Variants in ELFN1 observed in about 807,000 individuals in gnomAD.
ELFN1 encodes the protein protein ELFN1.
ELFN1 carries 6 observed loss-of-function variants against 7.6 expected under a neutral mutation model. That is an observed-to-expected ratio of 0.79 (90% CI 0.43 to 1.56). The LOEUF (loss-of-function observed/expected upper bound fraction) is 1.56. Among genes scored for constraint, ELFN1 ranks in the 40% most tolerant of loss-of-function variants. The pLI, the probability that ELFN1 is intolerant of heterozygous loss-of-function variation, is 0.01. For missense variants in ELFN1, 1,169 were observed against 1,232.2 expected (o/e 0.95, Z 0.77); for synonymous variants, 657 against 588.1 (o/e 1.12, Z -1.70).
At chr7:1,721,319 G>A (rs1018674263) in intron 3 of ELFN1, among the ~76,000 whole-genome samples, 28 of 152,228 alleles carry the variant, frequency 1.8e-4, no homozygotes, top group Non-Finnish European at 1.3e-4. Context: ...GTGTAACTCA[G>A]GGAAAATCCC....
chr7:1,723,451 C>T (rs905045424), intron 3 of ELFN1, among the ~76,000 whole-genome samples: 4 of 152,096 alleles, frequency 2.6e-5, no homozygotes, highest in South Asian at 2.1e-4. Context: ...GGCTGGGAGG[C>T]GTATTTGTGA....
intron 3 of ELFN1, among the ~76,000 whole-genome samples, chr7:1,729,485 A>T (rs1409125396): frequency 6.6e-6 from 1 of 152,180 alleles, no homozygotes; most frequent in African/African-American, 2.4e-5. Context: ...CAGGCCTCAC[A>T]GCAGGGTGCT....
intron 2 of ELFN1, among the ~76,000 whole-genome samples, chr7:1,688,602 A>G (rs528546790): frequency 1.3e-5 from 2 of 152,348 alleles, no homozygotes; most frequent in East Asian, 1.9e-4. Context: ...ATTTTCAATG[A>G]CATTATTTTA....
chr7:1,682,866 T>C (rs779135877), intron 1 of ELFN1, among the ~76,000 whole-genome samples: 1 of 152,210 alleles, frequency 6.6e-6, no homozygotes, highest in African/African-American at 2.4e-5. Context: ...TTTATCAGGT[T>C]GAGAAGTTCT....
At chr7:1,721,090 T>G (rs938977083) in intron 3 of ELFN1, among the ~76,000 whole-genome samples, 1 of 152,226 alleles carries the variant, frequency 6.6e-6, no homozygotes, top group Non-Finnish European at 1.5e-5. Context: ...AATTAAACAT[T>G]GGATAAAACC....
chr7:1,693,588 A>G (rs1779226078), intron 2 of ELFN1: 1 of 471,200 alleles, frequency 2.1e-6, no homozygotes, highest in Non-Finnish European at 4.4e-6. Flanking sequence ...ACATCTGCAG[A>G]GGGGTCGGTG....
intron 2 of ELFN1, among the ~76,000 whole-genome samples, chr7:1,702,315 T>C (rs1447438996): frequency 6.6e-6 from 1 of 151,990 alleles, no homozygotes; most frequent in Non-Finnish European, 1.5e-5. Flanking sequence ...TCCCAGCTAC[T>C]TGGGAGGCTG....
chr7:1,728,122 T>A (rs910750914), intron 3 of ELFN1, among the ~76,000 whole-genome samples: 1 of 151,980 alleles, frequency 6.6e-6, no homozygotes, highest in Non-Finnish European at 1.5e-5. Flanking sequence ...TCTTTTTGCC[T>A]CTCCTGCTCC....
At chr7:1,681,813 C>T (rs1335393872) in intron 1 of ELFN1, among the ~76,000 whole-genome samples, 1 of 152,188 alleles carries the variant, frequency 6.6e-6, no homozygotes, top group Non-Finnish European at 1.5e-5. Context: ...AATGGTGTCC[C>T]ATGTGGTTTA....
At chr7:1,722,813 A>G (rs1169355188) in intron 3 of ELFN1, among the ~76,000 whole-genome samples, 2 of 152,238 alleles carry the variant, frequency 1.3e-5, no homozygotes, top group South Asian at 2.1e-4. Flanking sequence ...GAGTAATACA[A>G]TGAATACCTA....
intron 1 of ELFN1, among the ~76,000 whole-genome samples, chr7:1,677,512 A>C (rs1778894009): frequency 6.6e-6 from 1 of 152,172 alleles, no homozygotes; most frequent in African/African-American, 2.4e-5. Context: ...AGGACTGTGC[A>C]GGGGTGTGTG....
At chr7:1,724,705 C>T (rs1322079861) in intron 3 of ELFN1, among the ~76,000 whole-genome samples, 7 of 151,484 alleles carry the variant, frequency 4.6e-5, no homozygotes, top group Admixed American at 4.6e-4. Context: ...CCCATGAACG[C>T]GACTCCCCCC....
At chr7:1,717,095 T>G (rs1468701624) in intron 3 of ELFN1, among the ~76,000 whole-genome samples, 1 of 152,186 alleles carries the variant, frequency 6.6e-6, no homozygotes, top group Non-Finnish European at 1.5e-5. Flanking sequence ...GAGCACCTTC[T>G]TGATGCAGCC....
intron 1 of ELFN1, among the ~76,000 whole-genome samples, chr7:1,679,490 G>C (rs916733456): frequency 8.5e-5 from 13 of 152,168 alleles, no homozygotes; most frequent in African/African-American, 3.1e-4. Flanking sequence ...GCTGGCTGAG[G>C]GAACCCACAG....
chr7:1,697,182 G>A (rs1464509947), intron 2 of ELFN1, among the ~76,000 whole-genome samples: 1 of 152,216 alleles, frequency 6.6e-6, no homozygotes, highest in Non-Finnish European at 1.5e-5. Flanking sequence ...AGGGCAGAGA[G>A]GAGCCCCCCA....
chr7:1,746,627 C>A lies in ELFN1; in HGVS notation c.2031C>A (p.Ala677=). The change falls in exon 4 of 4, where the codon GCC becomes GCA. Residue 677 remains alanine, a synonymous_variant. Transcript: ENST00000424383. The part of the protein sequence containing the change: ...AKYIEKGSPA[A]DAILTVTPAA... ...ACATCGAGAAGGGCTCCCCCGCGGC[C>A]GACGCCATCCTCACTGTGACACCCG... The A allele has an allele frequency of 7.4e-7, 1 of 1,349,986 alleles. No individual in the cohort carries two copies. Among genetic ancestry groups the A allele is most frequent in the Non-Finnish European group, 9.5e-7 (1 of 1,055,804 alleles). The allele number at this position is 1,349,986 out of a possible 1,614,324, so 83.6% of individuals were successfully genotyped here.
Position 1,739,013 on chromosome 7 carries a change from G to C in ELFN1, c.-293-5291G>C, listed in dbSNP as rs906421989. Reference sequence around the variant, plus strand: ...AGCTTCCCAGGCGGAGGGGCGGCTGGTGCAGGTTCTTCAGCCAGGAAGGGG... The same window carrying C: ...AGCTTCCCAGGCGGAGGGGCGGCTGCTGCAGGTTCTTCAGCCAGGAAGGGG... On this transcript the variant is annotated intron_variant, in intron 3 of 3. Transcript: ENST00000424383. The surrounding 1 kb of genome is among the most constrained non-coding windows in gnomAD (Gnocchi z 4.6). 2 of 152,236 alleles carry C rather than the reference G, an allele frequency of 1.3e-5. No homozygotes were observed. Among genetic ancestry groups the C allele is most frequent in the African/African-American group, 4.8e-5 (2 of 41,390 alleles). The allele number at this position is 152,236 out of a possible 1,614,324, so 9.4% of individuals were successfully genotyped here.
At position 1,737,457 on chromosome 7, in the gene ELFN1, C is replaced by CT. The variant is rs559721796; in HGVS notation, c.-293-6843dup. Among the ~76,000 whole-genome samples, 38 of 152,286 alleles carry CT rather than the reference C, an allele frequency of 2.5e-4. No homozygotes were observed. The South Asian group carries it at 7.5e-3, about 30-fold the overall frequency. On this transcript the variant is annotated intron_variant, in intron 3 of 3. Transcript: ENST00000424383. ...AGCAGATTCCAGCTGGAGTCGGGGT[C>CT]TTTTCTGCTGTCCGAGGCGGGTGGG...
At chr7:1,694,924 T>C (rs1011325888) in intron 2 of ELFN1, among the ~76,000 whole-genome samples, 18 of 152,224 alleles carry the variant, frequency 1.2e-4, no homozygotes, top group Non-Finnish European at 2.4e-4. Flanking sequence ...AGTGGGGGAC[T>C]CTGAGAGTCT....
Sources: gnomAD v4.1 joint callset for allele counts (sites outside exome capture counted in the v4.1 genomes callset) on GRCh38, gnomAD v4.1.1 for gene constraint, Gnocchi (gnomAD v3.1) non-coding constraint, MANE v1.5 for transcripts, NCBI Gene and HGNC (gene_info 2026-07-23, HGNC 2026-07-21) for gene names.